FKBP9: variants seen among roughly 807,000 people sequenced by gnomAD.
FKBP9 encodes the protein FKBP prolyl isomerase 9, also known as peptidyl-prolyl cis-trans isomerase FKBP9.
In FKBP9, 27 loss-of-function variants were observed where a neutral mutation model predicts 55.6. The observed-to-expected ratio is 0.49, with a 90% CI of 0.36 to 0.67. The LOEUF is 0.67. Ranked by LOEUF, FKBP9 falls within the 30% of genes least tolerant of loss-of-function variation. The pLI, the probability that FKBP9 is intolerant of heterozygous loss-of-function variation, is 0.00. For synonymous variants in FKBP9, 267 were observed against 296.5 expected (o/e 0.90, Z 1.02); for missense variants, 539 against 742.8 (o/e 0.73, Z 3.19).
chr7:32,972,029 C>G (rs1784263119), intron 1 of FKBP9, among the ~76,000 whole-genome samples: 1 of 152,116 alleles, frequency 6.6e-6, no homozygotes, highest in African/African-American at 2.4e-5. Context: ...AAAGTAGTTT[C>G]TTGCCGGTGC....
intron 3 of FKBP9, 106 bp from the exon 4 acceptor site, chr7:32,976,248 T>C (rs1784361690): frequency 1.5e-6 from 2 of 1,296,432 alleles, no homozygotes; most frequent in Non-Finnish European, 1.1e-6. Context: ...AGGATGGGTA[T>C]GGGATCATCG....
intron 4 of FKBP9, chr7:32,979,678 A>G (rs1245341021): frequency 2.3e-6 from 2 of 881,456 alleles, no homozygotes; most frequent in Non-Finnish European, 3.7e-6. Context: ...CTTTGCAGGA[A>G]GAACTAGTGT....
intron 1 of FKBP9, among the ~76,000 whole-genome samples, chr7:32,959,297 C>CA (rs1554283647): frequency 3.9e-5 from 6 of 152,052 alleles, no homozygotes; most frequent in Non-Finnish European, 8.8e-5. Context: ...CCCAACTACG[C>CA]GGGAGGTTGA....
At position 32,992,735 on chromosome 7, in the gene FKBP9, A is replaced by T. The variant is rs546964942; in HGVS notation, c.1040-3428A>T. ...TCATTTTTGCAGGCGGAGAAACTCC[A>T]TCTATCCATCCATCAAAGATTTATT... On this transcript the variant is annotated intron_variant, in intron 6 of 9. Coordinates refer to ENST00000242209, the MANE Select transcript of FKBP9 (RefSeq NM_007270.5). The T allele has an allele frequency of 2.8e-5, 6 of 215,402 alleles. No homozygotes were observed. In the Admixed American group the frequency reaches 3.5e-4, roughly 13 times the overall value. 13.3% of individuals were successfully genotyped at this position (215,402 alleles called of 1,614,324 possible). A position where few individuals can be genotyped will look rare whatever the true frequency, so the allele number is the denominator to read the frequency against.
Position 33,005,443 on chromosome 7 carries a change from A to G in FKBP9, c.*92A>G. 2 of 1,430,962 alleles carry G rather than the reference A, an allele frequency of 1.4e-6. No individual in the cohort carries two copies. The highest frequency in any genetic ancestry group is 1.9e-6 in the Non-Finnish European group (2 of 1,041,814). 88.6% of individuals were successfully genotyped at this position (1,430,962 alleles called of 1,614,324 possible). A position where few individuals can be genotyped will look rare whatever the true frequency, so the allele number is the denominator to read the frequency against. On this transcript the variant is annotated 3_prime_UTR_variant, in exon 10 of 10. Coordinates refer to ENST00000242209, the MANE Select transcript of FKBP9 (RefSeq NM_007270.5). ...AGTGAGGGTGCAAGGGTCTCTCAGA[A>G]GTTGCATCATTAGCCAGTAGTAGGT...
At chr7:33,005,057 G>A in intron 9 of FKBP9, 118 bp from the exon 10 acceptor site, 3 of 1,457,024 alleles carry the variant, frequency 2.1e-6, no homozygotes, top group Admixed American at 2.5e-5. Flanking sequence ...TCTTGTCTGT[G>A]TTGGTAGCCC....
intron 4 of FKBP9, among the ~76,000 whole-genome samples, chr7:32,978,995 G>A (rs575836285): frequency 3.0e-4 from 46 of 152,134 alleles, no homozygotes; most frequent in Non-Finnish European, 5.7e-4. Context: ...CAGGCCGGGC[G>A]CAGTGGCTGC....
At chr7:32,979,487 G>T (rs1784429724) in intron 4 of FKBP9, 6 of 1,546,812 alleles carry the variant, frequency 3.9e-6, no homozygotes, top group Non-Finnish European at 5.2e-6. Flanking sequence ...GAGATGCAGG[G>T]TGGGCTTTGC....
At chr7:32,988,322 G>T (rs983279150) in intron 5 of FKBP9, among the ~76,000 whole-genome samples, 185 bp from the exon 6 acceptor site, 1 of 152,222 alleles carries the variant, frequency 6.6e-6, no homozygotes, top group Non-Finnish European at 1.5e-5. Flanking sequence ...CACATGCTGT[G>T]TGGGGGTTCT....
At chr7:32,979,200 C>T (rs1486806385) in intron 4 of FKBP9, among the ~76,000 whole-genome samples, 1 of 151,620 alleles carries the variant, frequency 6.6e-6, no homozygotes, top group African/African-American at 2.4e-5. Flanking sequence ...ACCCAGGAGG[C>T]GAAGGTTGCA....
intron 1 of FKBP9, among the ~76,000 whole-genome samples, chr7:32,968,762 G>A (rs1025415702): frequency 3.4e-5 from 5 of 148,954 alleles, no homozygotes; most frequent in African/African-American, 1.2e-4. Context: ...TAGTAGAGAC[G>A]GGGTTTTGCC....
At chr7:32,969,896 A>C (rs1784220007) in intron 1 of FKBP9, among the ~76,000 whole-genome samples, 2 of 151,884 alleles carry the variant, frequency 1.3e-5, no homozygotes, top group Admixed American at 6.6e-5. Context: ...CCAGCTACTC[A>C]GGAGGCCGAG....
intron 3 of FKBP9, among the ~76,000 whole-genome samples, chr7:32,975,875 T>A (rs1784354799): frequency 6.6e-6 from 1 of 152,210 alleles, no homozygotes; most frequent in Non-Finnish European, 1.5e-5. Flanking sequence ...CTCGATCTCC[T>A]GACCTCATGA....
intron 7 of FKBP9, among the ~76,000 whole-genome samples, chr7:32,999,500 A>G (rs1191292181): frequency 2.7e-5 from 4 of 147,344 alleles, no homozygotes; most frequent in African/African-American, 1.0e-4. Flanking sequence ...TTAGTCTTAG[A>G]CTGCTACAGA....
chr7:32,972,057 G>T (rs1784263485), intron 1 of FKBP9, among the ~76,000 whole-genome samples: 1 of 152,162 alleles, frequency 6.6e-6, no homozygotes, highest in Admixed American at 6.6e-5. Context: ...CTGCTTGCCT[G>T]TGTTCTGTGC....
At chr7:32,988,979 C>T (rs1260892277) in intron 6 of FKBP9, 1 of 185,490 alleles carries the variant, frequency 5.4e-6, no homozygotes, top group Non-Finnish European at 1.1e-5. Context: ...TAGAGTTGTC[C>T]TGTTATTTCT....
At chr7:32,969,037 A>G (rs1373580659) in intron 1 of FKBP9, among the ~76,000 whole-genome samples, 3 of 152,130 alleles carry the variant, frequency 2.0e-5, no homozygotes, top group Non-Finnish European at 2.9e-5. Flanking sequence ...GGCCATTTGT[A>G]TATCTTTTTT....
Position 32,996,369 on chromosome 7 carries a change from T to C in FKBP9, c.1226+20T>C, listed in dbSNP as rs374550559. The C allele has an allele frequency of 3.7e-4, 591 of 1,595,916 alleles. 4 individuals are homozygous for C. In the African/African-American group the frequency reaches 7.2e-3, roughly 20 times the overall value. ...CTCCACGTAAGGGCAACCAGAATGG[T>C]GTGGGAGTGAGCCTGGAGGGTGACA... On this transcript the variant is annotated intron_variant, in intron 7 of 9. Coordinates refer to ENST00000242209, the MANE Select transcript of FKBP9 (RefSeq NM_007270.5).
At position 33,006,741 on chromosome 7, in the gene FKBP9, G is replaced by T. The variant is rs1785049100; in HGVS notation, c.*1390G>T. 1 of 211,090 alleles carries T rather than the reference G, an allele frequency of 4.7e-6. No homozygotes were observed. The highest frequency in any genetic ancestry group is 2.3e-5 in the African/African-American group (1 of 44,054). The allele number at this position is 211,090 out of a possible 1,614,324, so 13.1% of individuals were successfully genotyped here. ...ACCACATGGCTACCTTCTATCCTCT[G>T]TTCCCAAATGGTGGTGGCACTTATC... is the stretch of plus-strand genomic sequence containing the variant. On this transcript the variant is annotated 3_prime_UTR_variant, in exon 10 of 10. Transcript: ENST00000242209.
Sources: allele counts gnomAD v4.1 joint callset (sites outside exome capture counted in the v4.1 genomes callset), GRCh38; gene constraint gnomAD v4.1.1; transcripts MANE v1.5; gene names NCBI Gene and HGNC (gene_info 2026-07-23, HGNC 2026-07-21).